Variants in CCDC148 observed in about 807,000 individuals in gnomAD.
The protein encoded by CCDC148 is coiled-coil domain-containing protein 148.
CCDC148 carries 89 observed loss-of-function variants against 85.7 expected under a neutral mutation model. That is an observed-to-expected ratio of 1.04 (90% CI 0.87 to 1.24). CCDC148 has a LOEUF of 1.24. CCDC148 is among the 50% of genes most tolerant of loss of function. CCDC148 has a pLI of 0.00. For synonymous variants in CCDC148, 230 were observed against 213.9 expected, an observed-to-expected ratio of 1.08 and a Z score of -0.66; for missense variants, 692 against 671.7, an observed-to-expected ratio of 1.03 and a Z score of -0.33.
intron 11 of CCDC148, among the ~76,000 whole-genome samples, chr2:158,195,094 C>T (rs988264532): frequency 6.6e-6 from 1 of 151,982 alleles, no homozygotes; most frequent in Non-Finnish European, 1.5e-5. Context: ...TCAATGCCTA[C>T]ATATGGACCT....
At position 158,378,051 on chromosome 2, in the gene CCDC148, T is replaced by G. The variant is rs1574720595; in HGVS notation, c.26-19481A>C. The stretch of plus-strand genomic sequence containing the variant: ...AATCAAAAGCTAAAAATGTTTGAGC[T>G]TGGTGAGGAAGACATGTCAAAAGCC... On this transcript the variant is annotated intron_variant, in intron 1 of 13. Transcript: ENST00000283233. 3.3e-5 allele frequency among the ~76,000 whole-genome samples: 5 copies of G among 152,066 alleles called. No homozygotes were observed. The East Asian group carries it at 9.6e-4, about 29-fold the overall frequency.
At chr2:158,414,179 G>A (rs1338925790) in intron 1 of CCDC148, among the ~76,000 whole-genome samples, 4 of 152,102 alleles carry the variant, frequency 2.6e-5, no homozygotes, top group Non-Finnish European at 5.9e-5. Context: ...AAACAGATGT[G>A]TTAGGCATAA....
chr2:158,226,840 G>A (rs1687565791), intron 10 of CCDC148, among the ~76,000 whole-genome samples: 1 of 152,052 alleles, frequency 6.6e-6, no homozygotes, highest in Admixed American at 6.6e-5. Context: ...CAAACCCACA[G>A]TCAATATCAT....
intron 1 of CCDC148, among the ~76,000 whole-genome samples, chr2:158,411,214 C>T (rs6437176): frequency 0.79 from 120,444 of 152,012 alleles, 48,895 homozygotes; most frequent in South Asian, 0.91. Flanking sequence ...AAAATCTGGA[C>T]ATCTATTTCC....
At chr2:158,277,706 C>T (rs780323929) in intron 9 of CCDC148, among the ~76,000 whole-genome samples, 8 of 152,088 alleles carry the variant, frequency 5.3e-5, no homozygotes, top group Non-Finnish European at 1.2e-4. Context: ...ACGCCATTCT[C>T]CTGCCTCAGC....
intron 11 of CCDC148, among the ~76,000 whole-genome samples, chr2:158,193,371 A>G (rs1017160768): frequency 1.3e-5 from 2 of 152,116 alleles, no homozygotes; most frequent in Admixed American, 6.6e-5. Flanking sequence ...CATGGACCAC[A>G]GGAAGACTCT....
intron 1 of CCDC148, among the ~76,000 whole-genome samples, chr2:158,423,116 G>A (rs930371226): frequency 4.6e-5 from 7 of 152,144 alleles, no homozygotes; most frequent in Non-Finnish European, 8.8e-5. Context: ...CCATGCTCAT[G>A]GATAGGAAGA....
intron 9 of CCDC148, among the ~76,000 whole-genome samples, chr2:158,307,474 T>C (rs929723399): frequency 6.6e-6 from 1 of 152,208 alleles, no homozygotes; most frequent in African/African-American, 2.4e-5. Context: ...TATAACCACT[T>C]TGGAAAACTA....
At chr2:158,432,216 A>G (rs75476717) in intron 1 of CCDC148, among the ~76,000 whole-genome samples, 1 of 150,936 alleles carries the variant, frequency 6.6e-6, no homozygotes, top group South Asian at 2.1e-4. Flanking sequence ...AAAGAAAATT[A>G]AAAAAAAGAT....
At chr2:158,420,651 C>T (rs1686730493) in intron 1 of CCDC148, among the ~76,000 whole-genome samples, 2 of 152,108 alleles carry the variant, frequency 1.3e-5, no homozygotes, top group South Asian at 4.1e-4. Context: ...TTGTAAAGAC[C>T]ATCGATGCTA....
At chr2:158,271,250 A>T (rs1295640159) in intron 9 of CCDC148, among the ~76,000 whole-genome samples, 1 of 152,194 alleles carries the variant, frequency 6.6e-6, no homozygotes, top group Admixed American at 6.5e-5. Context: ...CTAAATGAAT[A>T]CCTTGCAATA....
intron 1 of CCDC148, among the ~76,000 whole-genome samples, chr2:158,361,091 T>A (rs1302065955): frequency 6.6e-6 from 1 of 151,270 alleles, no homozygotes; most frequent in East Asian, 2.0e-4. Context: ...AAATATCAAC[T>A]TACTAAAATA....
intron 7 of CCDC148, among the ~76,000 whole-genome samples, chr2:158,328,033 T>A (rs934316498): frequency 6.6e-6 from 1 of 151,864 alleles, no homozygotes; most frequent in African/African-American, 2.4e-5. Flanking sequence ...CTTTTTTTTT[T>A]ATTTAAGTTT....
intron 1 of CCDC148, among the ~76,000 whole-genome samples, chr2:158,364,441 T>C (rs1015796855): frequency 6.6e-6 from 1 of 152,182 alleles, no homozygotes; most frequent in Non-Finnish European, 1.5e-5. Flanking sequence ...CAAAACAGCA[T>C]GGTACTGGTA....
intron 1 of CCDC148, among the ~76,000 whole-genome samples, chr2:158,448,898 G>A (rs1688274305): frequency 6.6e-6 from 1 of 152,152 alleles, no homozygotes; most frequent in Admixed American, 6.5e-5. Flanking sequence ...CGCAATCTCA[G>A]CTCACTGCAA....
Position 158,250,890 on chromosome 2 carries a change from T to A in CCDC148, c.1133A>T (p.Gln378Leu). ...CATTTCCAGTCTTGCTACCTCTTCT[T>A]GGTGGGCTCGCCATTGACGAACCTG... ...KAKVRQWRAH[Q>L]EEVARLEMEI... The change falls in exon 10 of 14, where the codon CAA (glutamine) becomes CTA (leucine). Residue 378 changes from glutamine (Q) to leucine (L), a missense_variant. By Grantham distance (113) the Gln-to-Leu change is moderately radical (BLOSUM62 -2). Coordinates refer to ENST00000283233, the MANE Select transcript of CCDC148 (RefSeq NM_138803.4). 1 of 1,604,802 alleles carries A rather than the reference T, an allele frequency of 6.2e-7. No individual in the cohort carries two copies. The highest frequency in any genetic ancestry group is 8.5e-7 in the Non-Finnish European group (1 of 1,177,700).
chr2:158,420,683 C>T (rs141212451), intron 1 of CCDC148, among the ~76,000 whole-genome samples: 52,213 of 151,888 alleles, frequency 0.34, 10,209 homozygotes, highest in Middle Eastern at 0.47. Context: ...CATCAAGTAA[C>T]GAGCGAAATA....
chr2:158,323,059 A>G (rs1377032143), intron 7 of CCDC148, among the ~76,000 whole-genome samples: 2 of 152,200 alleles, frequency 1.3e-5, no homozygotes, highest in Non-Finnish European at 2.9e-5. Context: ...AAGCAATTAA[A>G]CTTGTCTTCA....
At chr2:158,314,332 G>A (rs546782519) in intron 7 of CCDC148, among the ~76,000 whole-genome samples, 1 of 152,176 alleles carries the variant, frequency 6.6e-6, no homozygotes, top group Non-Finnish European at 1.5e-5. Context: ...TTATGTAACG[G>A]AAAATAAAGA....
Sources: gnomAD v4.1 joint callset for allele counts (sites outside exome capture counted in the v4.1 genomes callset) on GRCh38, gnomAD v4.1.1 for gene constraint, MANE v1.5 for transcripts, NCBI Gene and HGNC (gene_info 2026-07-23, HGNC 2026-07-21) for gene names.